RGL1: variants seen among roughly 807,000 people sequenced by gnomAD.
RGL1 encodes the protein ral guanine nucleotide dissociation stimulator-like 1.
In RGL1, 24 loss-of-function variants were observed where a neutral mutation model predicts 95.2. The observed-to-expected ratio is 0.25, with a 90% CI of 0.18 to 0.35. The LOEUF is 0.35. Ranked by LOEUF, RGL1 falls within the 10% of genes least tolerant of loss-of-function variation. The probability of loss-of-function intolerance (pLI) is 1.00; values close to 1 mark genes in which losing one functional copy is unlikely to be tolerated. For synonymous variants in RGL1, 329 were observed against 344.9 expected, an observed-to-expected ratio of 0.95 and a Z score of 0.51; for missense variants, 715 against 936.3, an observed-to-expected ratio of 0.76 and a Z score of 3.08.
intron 2 of RGL1, among the ~76,000 whole-genome samples, chr1:183,816,359 T>C (rs1192061640): frequency 6.6e-6 from 1 of 152,252 alleles, no homozygotes; most frequent in East Asian, 1.9e-4. Context: ...TAATTTAGGA[T>C]GTTAGTAAAT....
chr1:183,904,809 C>T, intron 12 of RGL1, 41 bp from the exon 13 acceptor site: 3 of 1,561,812 alleles, frequency 1.9e-6, no homozygotes, highest in East Asian at 2.3e-5. Flanking sequence ...CCTTATTATT[C>T]AGTCTTTTTT....
intron 1 of RGL1, among the ~76,000 whole-genome samples, chr1:183,659,639 T>C (rs939316775): frequency 1.3e-5 from 2 of 152,012 alleles, no homozygotes; most frequent in African/African-American, 4.8e-5. Flanking sequence ...CTCTGCAGGG[T>C]ATTATCCAGG....
intron 1 of RGL1, among the ~76,000 whole-genome samples, chr1:183,664,480 G>T (rs1003639737): frequency 6.6e-6 from 1 of 151,640 alleles, no homozygotes; most frequent in Non-Finnish European, 1.5e-5. Flanking sequence ...AGGAACTTGG[G>T]CTCAGAGTTG....
chr1:183,645,922 G>A (rs1195515418), intron 1 of RGL1, among the ~76,000 whole-genome samples: 1 of 152,222 alleles, frequency 6.6e-6, no homozygotes, highest in Non-Finnish European at 1.5e-5. Context: ...AACTGCCAAA[G>A]GCACTTTCTT....
chr1:183,672,552 A>C (rs544947412), intron 1 of RGL1, among the ~76,000 whole-genome samples: 1 of 152,240 alleles, frequency 6.6e-6, no homozygotes, highest in African/African-American at 2.4e-5. Context: ...ATTTCTCCGG[A>C]TCAGTCATCT....
chr1:183,917,642 C>T (rs2102747413), intron 16 of RGL1, among the ~76,000 whole-genome samples: 1 of 152,310 alleles, frequency 6.6e-6, no homozygotes, highest in African/African-American at 2.4e-5. Context: ...GCGTTCTAGT[C>T]ATTAGATCAG....
intron 2 of RGL1, among the ~76,000 whole-genome samples, chr1:183,796,994 C>T (rs1660731822): frequency 6.6e-6 from 1 of 152,110 alleles, no homozygotes; most frequent in East Asian, 1.9e-4. Flanking sequence ...TTTCAGTATC[C>T]AACTTCCTCC....
chr1:183,869,300 A>G (rs1666026004), intron 4 of RGL1, among the ~76,000 whole-genome samples: 1 of 152,234 alleles, frequency 6.6e-6, no homozygotes, highest in African/African-American at 2.4e-5. Flanking sequence ...ACTAATGTGA[A>G]TGAAACTCCA....
chr1:183,683,537 G>A (rs535195578), intron 1 of RGL1, among the ~76,000 whole-genome samples: 16 of 152,320 alleles, frequency 1.1e-4, no homozygotes, highest in Admixed American at 2.6e-4. Flanking sequence ...GAGATCCACT[G>A]TTAGTCTGAT....
intron 2 of RGL1, among the ~76,000 whole-genome samples, chr1:183,781,352 G>A (rs989183680): frequency 5.3e-5 from 8 of 152,118 alleles, no homozygotes; most frequent in South Asian, 2.1e-4. Context: ...GCTCTGCTAA[G>A]AACTCTCTTT....
At chr1:183,894,503 T>C (rs1667583720) in intron 9 of RGL1, among the ~76,000 whole-genome samples, 1 of 152,200 alleles carries the variant, frequency 6.6e-6, no homozygotes, top group Admixed American at 6.5e-5. Flanking sequence ...TTTCCAGTCA[T>C]TTTTGTTAAT....
intron 7 of RGL1, among the ~76,000 whole-genome samples, chr1:183,888,215 G>A (rs1314083609): frequency 1.3e-5 from 2 of 152,070 alleles, no homozygotes. Context: ...TAGGAAAGCT[G>A]GAAACTATAA....
chr1:183,916,753 T>C, intron 16 of RGL1, 52 bp downstream of exon 16: 1 of 1,583,282 alleles, frequency 6.3e-7, no homozygotes, highest in Non-Finnish European at 8.6e-7. Flanking sequence ...ATTGTGTGTC[T>C]GTGTCTGTCG....
intron 2 of RGL1, among the ~76,000 whole-genome samples, chr1:183,767,113 G>C (rs376124726): frequency 6.6e-6 from 1 of 151,530 alleles, no homozygotes; most frequent in South Asian, 2.1e-4. Context: ...CCAGCTACTC[G>C]GGAGGCTGCA....
intron 1 of RGL1, among the ~76,000 whole-genome samples, chr1:183,699,979 T>G (rs1654484443): frequency 1.3e-5 from 2 of 152,192 alleles, no homozygotes; most frequent in South Asian, 4.1e-4. Flanking sequence ...TTTTGTTTGT[T>G]TTTGCTGTTG....
At chr1:183,922,717 T>G (rs1669384471) in intron 17 of RGL1, among the ~76,000 whole-genome samples, 1 of 152,214 alleles carries the variant, frequency 6.6e-6, no homozygotes, top group Admixed American at 6.5e-5. Flanking sequence ...GTTTCTAAGT[T>G]GTGTGTGAAT....
rs75518461 is a variant in RGL1 at position 183,875,030 on chromosome 1, C to T, written c.426-5586C>T. 2.1e-4 allele frequency among the ~76,000 whole-genome samples: 32 copies of T among 152,258 alleles called. 1 individual carries two copies. In the East Asian group the frequency reaches 6.2e-3, roughly 29 times the overall value. ...CATTGCTTGAAAGGCCCACCGTCTG[C>T]GTAAATCTTCTTACCTTTTCATTAT... On this transcript the variant is annotated intron_variant, in intron 4 of 17. Transcript: ENST00000360851.
chr1:183,663,391 A>T (rs1225650772), intron 1 of RGL1, among the ~76,000 whole-genome samples: 1 of 147,046 alleles, frequency 6.8e-6, no homozygotes, highest in African/African-American at 2.7e-5. Context: ...CCCCATCAAA[A>T]AGTGGACGAA....
At chr1:183,831,808 C>G (rs892976483) in intron 2 of RGL1, among the ~76,000 whole-genome samples, 4 of 152,120 alleles carry the variant, frequency 2.6e-5, no homozygotes, top group Non-Finnish European at 5.9e-5. Flanking sequence ...TATGAATAGT[C>G]TTTGCTCTTA....
Sources: allele counts gnomAD v4.1 joint callset (sites outside exome capture counted in the v4.1 genomes callset), GRCh38; gene constraint gnomAD v4.1.1; transcripts MANE v1.5; gene names NCBI Gene and HGNC (gene_info 2026-07-23, HGNC 2026-07-21).